The following CFAP91 variants were observed in gnomAD, a reference collection of about 807,000 sequenced individuals.
CFAP91 encodes the protein cilia- and flagella-associated protein 91.
In CFAP91, 85 loss-of-function variants were observed where a neutral mutation model predicts 95.9. The ratio of observed to expected loss-of-function variants is 0.89; its 90% CI spans 0.74 to 1.06. The LOEUF is 1.06. Among genes scored for constraint, CFAP91 ranks in the 50% least tolerant of loss-of-function variants. The probability of loss-of-function intolerance (pLI) is 0.00; values close to 1 mark genes in which losing one functional copy is unlikely to be tolerated. For missense variants in CFAP91, 962 were observed against 943.4 expected (o/e 1.02, Z -0.26); for synonymous variants, 335 against 327.5 (o/e 1.02, Z -0.25).
At chr3:119,753,939 C>T (rs1013980906) in intron 17 of CFAP91, among the ~76,000 whole-genome samples, 9 of 152,200 alleles carry the variant, frequency 5.9e-5, no homozygotes, top group African/African-American at 1.9e-4. Flanking sequence ...TGGGAAAATA[C>T]ATTTCTGTTG....
At chr3:119,738,332 CTTTTTTTTTTTTTTTTTTTTTT>C (rs556125660) in intron 11 of CFAP91, among the ~76,000 whole-genome samples, 3 of 23,042 alleles carry the variant, frequency 1.3e-4, no homozygotes, top group Admixed American at 1.7e-3. Flanking sequence ...GACATATTGT[CTTTTTTTTTTTTTTTTTTTTTT>C]TTTTTTTTTT....
chr3:119,759,709 A>T (rs532892798), intron 17 of CFAP91, among the ~76,000 whole-genome samples: 25 of 152,138 alleles, frequency 1.6e-4, no homozygotes, highest in African/African-American at 6.0e-4. Flanking sequence ...GCATAAAAAG[A>T]TGTAAATTAT....
At chr3:119,759,623 A>T (rs2054496732) in intron 17 of CFAP91, among the ~76,000 whole-genome samples, 1 of 152,000 alleles carries the variant, frequency 6.6e-6, no homozygotes, top group Non-Finnish European at 1.5e-5. Flanking sequence ...TGGTGTGTAA[A>T]TCACTTTTTA....
intron 17 of CFAP91, among the ~76,000 whole-genome samples, chr3:119,760,371 C>A (rs2054516973): frequency 2.6e-5 from 4 of 151,730 alleles, no homozygotes; most frequent in Admixed American, 2.6e-4. Context: ...AACATTGGAG[C>A]CCCTAAATAT....
intron 12 of CFAP91, 90 bp from the exon 13 acceptor site, chr3:119,740,459 A>G (rs1271187386): frequency 4.1e-6 from 6 of 1,446,472 alleles, no homozygotes; most frequent in Non-Finnish European, 5.7e-6. Flanking sequence ...ACTGTTCACA[A>G]GTGTCTCACA....
intron 12 of CFAP91, 43 bp from the exon 13 acceptor site, chr3:119,740,506 G>A: frequency 6.2e-7 from 1 of 1,603,872 alleles, no homozygotes; most frequent in Non-Finnish European, 8.5e-7. Context: ...TGGCACAAAG[G>A]GATGGTAACT....
chr3:119,730,441 AAAC>A, intron 8 of CFAP91, 64 bp downstream of exon 8: 1 of 1,508,666 alleles, frequency 6.6e-7, no homozygotes, highest in Non-Finnish European at 9.0e-7. Flanking sequence ...ATCTTTGACC[AAAC>A]CTGACTTAAC....
At chr3:119,762,079 A>G (rs1364988784) in intron 17 of CFAP91, among the ~76,000 whole-genome samples, 2 of 151,944 alleles carry the variant, frequency 1.3e-5, no homozygotes, top group Non-Finnish European at 2.9e-5. Flanking sequence ...ATGGTCTTAT[A>G]TATAGAAAAC....
At chr3:119,733,563 C>G in intron 10 of CFAP91, 57 bp downstream of exon 10, 4 of 1,562,782 alleles carry the variant, frequency 2.6e-6, no homozygotes, top group Non-Finnish European at 3.5e-6. Context: ...CAGATAAATG[C>G]TACACTCCAA....
chr3:119,703,349 G>C, intron 1 of CFAP91, 127 bp downstream of exon 1: 1 of 1,432,418 alleles, frequency 7.0e-7, no homozygotes, highest in Non-Finnish European at 9.4e-7. Context: ...TCTTGCCCAC[G>C]GTTGTCCTTG....
intron 17 of CFAP91, among the ~76,000 whole-genome samples, chr3:119,762,664 C>T (rs1185659196): frequency 6.6e-6 from 1 of 152,046 alleles, no homozygotes; most frequent in African/African-American, 2.4e-5. Flanking sequence ...GAAATGCACC[C>T]ACAGATTTGT....
chr3:119,739,320 G>A lies in CFAP91; in HGVS notation c.1527G>A (p.Gln509=), dbSNP rs779317877. The change falls in exon 12 of 18, where the codon CAG becomes CAA. Residue 509 remains glutamine (Q), a synonymous_variant. Transcript: ENST00000273390. ...LQKLLRGRVV[Q]NMMFEGKEKR... is the part of the protein sequence containing the mutation. ...AGTTACTCCGGGGCAGAGTCGTTCA[G>A]AACATGGTGTGTAGGTCCAACCGCT... 8.1e-6 allele frequency: 13 copies of A among 1,613,890 alleles called. No individual in the cohort carries two copies. The South Asian group carries it at 1.4e-4, about 18-fold the overall frequency.
In CFAP91 at chr3:119,715,755, A is replaced by G; in HGVS notation, c.682+12A>G. The G allele has an allele frequency of 1.9e-6, 3 of 1,612,132 alleles. No homozygotes were observed. The highest frequency in any genetic ancestry group is 2.5e-6 in the Non-Finnish European group (3 of 1,178,176). On this transcript the variant is annotated intron_variant, in intron 6 of 17. Coordinates refer to ENST00000273390, the MANE Select transcript of CFAP91 (RefSeq NM_033364.4). ...TACGCTTACTTGGGGTGAGTTGGTA[A>G]ATCTCCTGACTATTGGCAGATGACG... is the stretch of plus-strand genomic sequence containing the variant.
Position 119,710,145 on chromosome 3 carries a change from T to C in CFAP91, c.500+250T>C, listed in dbSNP as rs9864160. On this transcript the variant is annotated intron_variant, in intron 5 of 17. Transcript: ENST00000273390. ...TTATAACTTTTGTTTCAGAAAAATA[T>C]ATGCATATGTTTATATGTATATGAT... The C allele has an allele frequency of 5.9e-3, 2,801 of 471,026 alleles. 67 individuals carry two copies. Among genetic ancestry groups the C allele is most frequent in the African/African-American group, 0.051 (2,572 of 50,534 alleles). 29.2% of individuals were successfully genotyped at this position (471,026 alleles called of 1,614,324 possible). A position where few individuals can be genotyped will look rare whatever the true frequency, so the allele number is the denominator to read the frequency against.
chr3:119,747,160 A>G lies in CFAP91; in HGVS notation c.1948A>G (p.Ile650Val), dbSNP rs777112801. The change falls in exon 15 of 18, where the codon ATA becomes GTA. Residue 650 changes from isoleucine (I) to valine (V), a missense_variant. Coordinates refer to ENST00000273390, the MANE Select transcript of CFAP91 (RefSeq NM_033364.4). ...TACTATAAGCTCCTACCTAGAAGAC[A>G]TAATACTGAATACCGAAGCGAATAC... ...HSTISSYLEDIILNTEANTAE... is the reference protein window; with the variant it reads ...HSTISSYLEDVILNTEANTAE... 36 of 1,613,580 alleles carry G rather than the reference A, an allele frequency of 2.2e-5. No homozygotes were observed. Among genetic ancestry groups the G allele is most frequent in the Non-Finnish European group, 2.4e-5 (28 of 1,179,778 alleles).
chr3:119,725,151 TTCCAGCC>T (rs1387222764), intron 6 of CFAP91, among the ~76,000 whole-genome samples: 2 of 152,236 alleles, frequency 1.3e-5, no homozygotes, highest in Non-Finnish European at 2.9e-5. Flanking sequence ...AGGAAACTTG[TTCCAGCC>T]TCCCTTTCCT....
chr3:119,715,204 G>A (rs2053550016), intron 5 of CFAP91, among the ~76,000 whole-genome samples: 2 of 152,130 alleles, frequency 1.3e-5, no homozygotes, highest in Admixed American at 1.3e-4. Flanking sequence ...CTGAAACAAA[G>A]AAGAAAGAAA....
intron 12 of CFAP91, 58 bp downstream of exon 12, chr3:119,739,384 T>C (rs756340826): frequency 6.7e-7 from 1 of 1,486,790 alleles, no homozygotes; most frequent in South Asian, 1.1e-5. Flanking sequence ...TTTTTTAGAA[T>C]GCATATGTGC....
intron 1 of CFAP91, among the ~76,000 whole-genome samples, chr3:119,705,149 A>G (rs568706444): frequency 4.2e-4 from 64 of 152,384 alleles, no homozygotes; most frequent in African/African-American, 1.5e-3. Context: ...GATAGGGACT[A>G]GGGTGGCGTG....
Sources: gnomAD v4.1 joint callset for allele counts (sites outside exome capture counted in the v4.1 genomes callset) on GRCh38, gnomAD v4.1.1 for gene constraint, MANE v1.5 for transcripts, NCBI Gene and HGNC (gene_info 2026-07-23, HGNC 2026-07-21) for gene names.